Variants in NTM observed in about 807,000 individuals in gnomAD.
The protein encoded by NTM is neurotrimin, also known as IgLON family member 2.
In NTM, 13 loss-of-function variants were observed where a neutral mutation model predicts 42.1. That is an observed-to-expected ratio of 0.31 (90% CI 0.20 to 0.49). NTM has a LOEUF of 0.49. NTM is among the 20% of genes least tolerant of loss of function. The pLI is 0.99. For synonymous variants in NTM, 187 were observed against 179.2 expected (o/e 1.04, Z -0.35); for missense variants, 373 against 452.8 (o/e 0.82, Z 1.60).
chr11:131,497,543 C>T (rs180947248), intron 1 of NTM, among the ~76,000 whole-genome samples: 1 of 152,104 alleles, frequency 6.6e-6, no homozygotes, highest in Non-Finnish European at 1.5e-5. Flanking sequence ...GTGTGGTGCC[C>T]ATGTTGGGAG....
At chr11:131,932,469 T>C (rs2058732977) in intron 2 of NTM, among the ~76,000 whole-genome samples, 1 of 152,222 alleles carries the variant, frequency 6.6e-6, no homozygotes, top group Admixed American at 6.5e-5. Flanking sequence ...GAAAAGAGAT[T>C]GTACATGCTG....
chr11:132,283,838 G>C (rs770667573), intron 4 of NTM, among the ~76,000 whole-genome samples: 4 of 152,098 alleles, frequency 2.6e-5, no homozygotes, highest in Non-Finnish European at 4.4e-5. Flanking sequence ...TGTCCTACCA[G>C]TAACCGTGTC....
intron 1 of NTM, among the ~76,000 whole-genome samples, chr11:131,429,641 T>C (rs1467743428): frequency 6.6e-6 from 1 of 152,170 alleles, no homozygotes; most frequent in Non-Finnish European, 1.5e-5. Context: ...AATTGACAAC[T>C]CTGGTGTTTC....
intron 2 of NTM, among the ~76,000 whole-genome samples, chr11:131,984,042 G>A (rs1249893655): frequency 2.0e-5 from 3 of 152,162 alleles, no homozygotes; most frequent in Non-Finnish European, 2.9e-5. Context: ...CCTAATTAAT[G>A]CCAAGAAAAA....
intron 1 of NTM, among the ~76,000 whole-genome samples, chr11:131,630,666 T>C (rs1449471231): frequency 2.0e-5 from 3 of 152,224 alleles, no homozygotes; most frequent in East Asian, 1.9e-4. Flanking sequence ...CAAGATCCGA[T>C]AGGCTCTTTT....
chr11:131,795,180 A>C (rs1289592017), intron 1 of NTM: 2 of 358,064 alleles, frequency 5.6e-6, no homozygotes, highest in Non-Finnish European at 7.8e-6. Context: ...CTTAAATTTC[A>C]CTCCAGTGGT....
chr11:132,025,319 T>G (rs776388256), intron 2 of NTM, among the ~76,000 whole-genome samples: 2 of 152,198 alleles, frequency 1.3e-5, no homozygotes, highest in Non-Finnish European at 2.9e-5. Context: ...TGTTCTACAT[T>G]TTAGCAGTCT....
chr11:131,885,433 TG>T (rs1457129378), intron 1 of NTM, among the ~76,000 whole-genome samples: 1 of 152,164 alleles, frequency 6.6e-6, no homozygotes, highest in African/African-American at 2.4e-5. Flanking sequence ...AATGGCCTTT[TG>T]CATTTCTGCT....
At chr11:132,107,343 T>C (rs2062522101) in intron 2 of NTM, among the ~76,000 whole-genome samples, 1 of 130,690 alleles carries the variant, frequency 7.7e-6, no homozygotes, top group African/African-American at 3.0e-5. Context: ...TTTATCCTTT[T>C]TTTTTTTTTT....
At chr11:132,045,167 G>A (rs770430300) in intron 2 of NTM, among the ~76,000 whole-genome samples, 35 of 152,124 alleles carry the variant, frequency 2.3e-4, no homozygotes, top group African/African-American at 3.9e-4. Context: ...TGTCTGTTGC[G>A]TTCTGTTTAT....
chr11:131,698,360 G>T (rs1446127859), intron 1 of NTM, among the ~76,000 whole-genome samples: 1 of 152,034 alleles, frequency 6.6e-6, no homozygotes, highest in Non-Finnish European at 1.5e-5. Context: ...GAATTCCCTT[G>T]TTCTCTTGCA....
intron 7 of NTM, among the ~76,000 whole-genome samples, chr11:132,320,396 A>G (rs1479833373): frequency 6.6e-6 from 1 of 152,176 alleles, no homozygotes; most frequent in Non-Finnish European, 1.5e-5. Flanking sequence ...TCCCTTTCCT[A>G]ATCAAAGAAA....
At chr11:132,096,384 G>A (rs955242092) in intron 2 of NTM, among the ~76,000 whole-genome samples, 3 of 152,150 alleles carry the variant, frequency 2.0e-5, no homozygotes, top group Non-Finnish European at 2.9e-5. Context: ...CACAATGGGC[G>A]AGAGTTCCTA....
At chr11:131,897,286 A>C (rs540573482) in intron 1 of NTM, among the ~76,000 whole-genome samples, 1 of 152,168 alleles carries the variant, frequency 6.6e-6, no homozygotes, top group African/African-American at 2.4e-5. Flanking sequence ...GAGGGGAAAG[A>C]AAAAAAGCAA....
intron 1 of NTM, among the ~76,000 whole-genome samples, chr11:131,758,126 C>A (rs185830024): frequency 5.3e-5 from 8 of 152,290 alleles, no homozygotes; most frequent in Admixed American, 5.2e-4. Context: ...TTAAGTTCAA[C>A]AGAGACTATT....
intron 7 of NTM, among the ~76,000 whole-genome samples, chr11:132,321,813 G>GACTA (rs1232469448): frequency 2.0e-5 from 3 of 150,010 alleles, no homozygotes; most frequent in African/African-American, 7.4e-5. Flanking sequence ...AAGCCCATCA[G>GACTA]ACTAACAGCG....
chr11:131,945,993 A>G (rs1335656794), intron 2 of NTM, among the ~76,000 whole-genome samples: 1 of 152,214 alleles, frequency 6.6e-6, no homozygotes, highest in African/African-American at 2.4e-5. Context: ...GTATCTATAC[A>G]TTGTATACAG....
At chr11:131,822,759 C>A (rs555007274) in intron 1 of NTM, among the ~76,000 whole-genome samples, 3 of 152,090 alleles carry the variant, frequency 2.0e-5, no homozygotes, top group Non-Finnish European at 4.4e-5. Context: ...TAGGATAGGG[C>A]AAATGAGAAA....
At chr11:131,527,650 C>A (rs536524536) in intron 1 of NTM, among the ~76,000 whole-genome samples, 1 of 152,306 alleles carries the variant, frequency 6.6e-6, no homozygotes, top group South Asian at 2.1e-4. Flanking sequence ...TTCTTTCCTG[C>A]TATTTCTAAC....
Sources: gnomAD v4.1 joint callset for allele counts (sites outside exome capture counted in the v4.1 genomes callset) on GRCh38, gnomAD v4.1.1 for gene constraint, MANE v1.5 for transcripts, NCBI Gene and HGNC (gene_info 2026-07-23, HGNC 2026-07-21) for gene names.